ATP6V1E1: variants seen among roughly 807,000 people sequenced by gnomAD.
The protein encoded by ATP6V1E1 is V-type proton ATPase subunit E 1.
Under a neutral mutation model 35.2 loss-of-function variants are expected in ATP6V1E1, and 21 were observed. That is an observed-to-expected ratio of 0.60 (90% CI 0.42 to 0.86). The LOEUF (loss-of-function observed/expected upper bound fraction) is 0.86. Among genes scored for constraint, ATP6V1E1 ranks in the 40% least tolerant of loss-of-function variants. ATP6V1E1 has a pLI of 0.00. For synonymous variants in ATP6V1E1, 83 were observed against 87.8 expected (o/e 0.95, Z 0.30); for missense variants, 183 against 272.6 (o/e 0.67, Z 2.32).
intron 1 of ATP6V1E1, among the ~76,000 whole-genome samples, chr22:17,620,775 C>T (rs2057872185): frequency 6.6e-6 from 1 of 152,110 alleles, no homozygotes; most frequent in South Asian, 2.1e-4. Flanking sequence ...CTTAATAGTT[C>T]TTTACCGGCC....
chr22:17,620,896 T>C (rs567318435), intron 1 of ATP6V1E1, among the ~76,000 whole-genome samples: 1 of 152,126 alleles, frequency 6.6e-6, no homozygotes, highest in African/African-American at 2.4e-5. Context: ...ACCCCATCTC[T>C]ACTAAAAATA....
chr22:17,609,286 G>C (rs1395442735), intron 4 of ATP6V1E1, among the ~76,000 whole-genome samples: 7 of 150,442 alleles, frequency 4.7e-5, no homozygotes, highest in Non-Finnish European at 8.9e-5. Context: ...TCAGCCTCTC[G>C]AGTAGCTGGG....
chr22:17,596,878 T>C (rs1218683716), intron 7 of ATP6V1E1, among the ~76,000 whole-genome samples: 1 of 152,170 alleles, frequency 6.6e-6, no homozygotes, highest in Middle Eastern at 3.4e-3. Flanking sequence ...GGTCCCATAG[T>C]AGCAAAAGGC....
At chr22:17,593,574 G>T (rs2057715919) in intron 8 of ATP6V1E1, among the ~76,000 whole-genome samples, 1 of 152,180 alleles carries the variant, frequency 6.6e-6, no homozygotes, top group African/African-American at 2.4e-5. Flanking sequence ...GAATTTTTCG[G>T]TTTAATTAAA....
chr22:17,617,594 T>C (rs1161285534), intron 2 of ATP6V1E1, among the ~76,000 whole-genome samples: 2 of 151,566 alleles, frequency 1.3e-5, no homozygotes, highest in Non-Finnish European at 2.9e-5. Flanking sequence ...GCCCCGGCCA[T>C]ATTTTGGTAA....
intron 8 of ATP6V1E1, 148 bp downstream of exon 8, chr22:17,594,381 C>G (rs2057720498): frequency 1.1e-5 from 7 of 623,372 alleles, no homozygotes; most frequent in Non-Finnish European, 1.3e-5. Flanking sequence ...GCAAATGCTA[C>G]TACATGCCCA....
At chr22:17,599,888 T>C in intron 6 of ATP6V1E1, 139 bp downstream of exon 6, 1 of 670,922 alleles carries the variant, frequency 1.5e-6, no homozygotes, top group South Asian at 2.0e-5. Context: ...ATCCCGCCAT[T>C]GCACTCCATC....
Position 17,628,528 on chromosome 22 carries a change from C to A in ATP6V1E1, c.33+75G>T. The A allele has an allele frequency of 1.9e-6, 3 of 1,603,412 alleles. No homozygotes were observed. The South Asian group carries it at 3.3e-5, about 18-fold the overall frequency. On this transcript the variant is annotated intron_variant, in intron 1 of 8. Transcript: ENST00000253413. The stretch of plus-strand genomic sequence containing the variant: ...CATCTGGGCGGCTCAAGGCCCGCGG[C>A]CTTCCCTAGGCGGGCTCCAGCCCAC...
chr22:17,613,388 G>A, intron 2 of ATP6V1E1, 68 bp from the exon 3 acceptor site: 1 of 1,304,346 alleles, frequency 7.7e-7, no homozygotes, highest in Non-Finnish European at 1.1e-6. Flanking sequence ...AACAGCTGGT[G>A]ACCTGCGTTA....
chr22:17,603,234 G>A (rs1319176836), intron 4 of ATP6V1E1, among the ~76,000 whole-genome samples: 4 of 152,176 alleles, frequency 2.6e-5, no homozygotes, highest in African/African-American at 9.7e-5. Flanking sequence ...ACAGGTGTGA[G>A]CCACCATGCC....
At chr22:17,603,286 C>T (rs777194657) in intron 4 of ATP6V1E1, among the ~76,000 whole-genome samples, 21 of 151,968 alleles carry the variant, frequency 1.4e-4, no homozygotes, top group Non-Finnish European at 2.9e-4. Flanking sequence ...TAATGGGAGG[C>T]ATAGGTGGCA....
At chr22:17,607,271 C>A (rs1458097827) in intron 4 of ATP6V1E1, among the ~76,000 whole-genome samples, 1 of 152,094 alleles carries the variant, frequency 6.6e-6, no homozygotes, top group Non-Finnish European at 1.5e-5. Context: ...AATTCTCCTG[C>A]CTCAGCCTCC....
In ATP6V1E1 at chr22:17,592,430, G is replaced by T; in HGVS notation, c.*244C>A. ...ATCTGCCCCCTCCCCTAGTGCTGCAGAACCGGCTGGACACTGTCACACTTT... is the reference window on the plus strand; with the variant it reads ...ATCTGCCCCCTCCCCTAGTGCTGCATAACCGGCTGGACACTGTCACACTTT... On this transcript the variant is annotated 3_prime_UTR_variant, in exon 9 of 9. Coordinates refer to ENST00000253413, the MANE Select transcript of ATP6V1E1 (RefSeq NM_001696.4). 1 of 506,414 alleles carries T rather than the reference G, an allele frequency of 2.0e-6. No individual in the cohort carries two copies. The allele number at this position is 506,414 out of a possible 1,614,324, so 31.4% of individuals were successfully genotyped here.
chr22:17,605,110 C>G (rs2057779207), intron 4 of ATP6V1E1, among the ~76,000 whole-genome samples: 1 of 142,910 alleles, frequency 7.0e-6, no homozygotes, highest in African/African-American at 2.7e-5. Flanking sequence ...GAGGCTGAGG[C>G]AGGAGAATCG....
At position 17,593,290 on chromosome 22, in the gene ATP6V1E1, A is replaced by C. The variant is rs182426573; in HGVS notation, c.619-554T>G. Among the ~76,000 whole-genome samples the C allele has an allele frequency of 4.7e-3, 712 of 152,226 alleles. 4 individuals carry two copies. Among genetic ancestry groups the C allele is most frequent in the Non-Finnish European group, 7.1e-3 (483 of 68,026 alleles). ...CACATTAAAAAAAAACAAAACAAAAAAAAACCTAAAGTCACTACTATCTCA... is the reference window on the plus strand; with the variant it reads ...CACATTAAAAAAAAACAAAACAAAACAAAACCTAAAGTCACTACTATCTCA... On this transcript the variant is annotated intron_variant, in intron 8 of 8. Coordinates refer to ENST00000253413, the MANE Select transcript of ATP6V1E1 (RefSeq NM_001696.4).
At chr22:17,604,526 C>CTTTTTTTTT (rs66549570) in intron 4 of ATP6V1E1, among the ~76,000 whole-genome samples, 3 of 144,870 alleles carry the variant, frequency 2.1e-5, no homozygotes, top group African/African-American at 2.5e-5. Context: ...TTTGTTTTCT[C>CTTTTTTTTT]TTTTTTTTTT....
intron 6 of ATP6V1E1, among the ~76,000 whole-genome samples, chr22:17,599,223 A>C (rs1256093694): frequency 6.6e-6 from 1 of 152,012 alleles, no homozygotes; most frequent in Non-Finnish European, 1.5e-5. Context: ...CAATATTGTA[A>C]ATGTACTTAA....
In ATP6V1E1 at chr22:17,613,233, G is replaced by A; in HGVS notation, c.187C>T (p.Gln63Ter). 1 of 1,611,902 alleles carries A rather than the reference G, an allele frequency of 6.2e-7. No homozygotes were observed. Among genetic ancestry groups the A allele is most frequent in the Non-Finnish European group, 8.5e-7 (1 of 1,179,504 alleles). The change falls in exon 3 of 9, where the codon CAG becomes TAG. Residue 63 changes from glutamine (Q) to a stop codon, truncating the protein, a stop_gained. Transcript: ENST00000253413. LOFTEE classifies it high-confidence loss of function. The part of the protein sequence containing the change: ...IMEYYEKKEK[Q>*]IEQQKKIQMS... Reference sequence around the variant, plus strand: ...TACATTTTCTTCTGCTGCTCAATCTGTTTCTCTTTCTTCTCATAATATTCC... The same window carrying A: ...TACATTTTCTTCTGCTGCTCAATCTATTTCTCTTTCTTCTCATAATATTCC...
intron 8 of ATP6V1E1, among the ~76,000 whole-genome samples, chr22:17,594,072 G>T (rs954062809): frequency 3.9e-5 from 6 of 152,056 alleles, no homozygotes; most frequent in Non-Finnish European, 5.9e-5. Flanking sequence ...TGTGGTGGCA[G>T]GTGCCTGTAA....
Sources: gnomAD v4.1 joint callset for allele counts (sites outside exome capture counted in the v4.1 genomes callset) on GRCh38, gnomAD v4.1.1 for gene constraint, MANE v1.5 for transcripts, NCBI Gene and HGNC (gene_info 2026-07-23, HGNC 2026-07-21) for gene names.